RBPJ: variants seen among roughly 807,000 people sequenced by gnomAD.
RBPJ encodes the protein recombination signal binding protein for immunoglobulin kappa J region.
Under a neutral mutation model 67.8 loss-of-function variants are expected in RBPJ, and 9 were observed. That is an observed-to-expected ratio of 0.13 (90% CI 0.08 to 0.23). The LOEUF (loss-of-function observed/expected upper bound fraction) is 0.23, where lower values mean the gene tolerates loss of function less well. RBPJ is among the 10% of genes least tolerant of loss of function. The probability of loss-of-function intolerance (pLI) is 1.00; values close to 1 mark genes in which losing one functional copy is unlikely to be tolerated. For synonymous variants in RBPJ, 198 were observed against 203.3 expected, an observed-to-expected ratio of 0.97 and a Z score of 0.22; for missense variants, 305 against 595.6, an observed-to-expected ratio of 0.51 and a Z score of 5.08.
intron 1 of RBPJ, among the ~76,000 whole-genome samples, chr4:26,222,494 CAAA>C (rs35321984): frequency 3.4e-5 from 2 of 58,838 alleles, no homozygotes; most frequent in African/African-American, 5.4e-5. Flanking sequence ...AACTCAATCT[CAAA>C]AAAAAAAAAA....
the RBPJ span, among the ~76,000 whole-genome samples, chr4:26,115,946 TAAAAAA>T: frequency 6.7e-6 from 1 of 149,398 alleles, no homozygotes; most frequent in Non-Finnish European, 1.5e-5. Flanking sequence ...GGTGGTATGT[TAAAAAA>T]AAAAACTCTA....
intron 1 of RBPJ, among the ~76,000 whole-genome samples, chr4:26,325,935 A>G (rs1260792972): frequency 1.3e-5 from 2 of 152,204 alleles, no homozygotes; most frequent in African/African-American, 2.4e-5. Flanking sequence ...TAAATGCTGT[A>G]TATAATTCTC....
intron 5 of RBPJ, among the ~76,000 whole-genome samples, chr4:26,422,211 C>CTTTTTTT (rs34021965): frequency 6.8e-6 from 1 of 147,620 alleles, no homozygotes; most frequent in Non-Finnish European, 1.5e-5. Context: ...TGATTATCCC[C>CTTTTTTT]TTTTTTTTTT....
chr4:26,407,481 G>A (rs534711304), intron 3 of RBPJ, among the ~76,000 whole-genome samples: 4 of 152,202 alleles, frequency 2.6e-5, no homozygotes, highest in South Asian at 2.1e-4. Context: ...ATAAATTTCC[G>A]CATTTTTTAT....
At chr4:26,344,384 G>A (rs568801795) in intron 1 of RBPJ, among the ~76,000 whole-genome samples, 159 of 152,012 alleles carry the variant, frequency 1.0e-3, no homozygotes, top group Admixed American at 2.4e-3. Context: ...ACAGGCGCCT[G>A]CCATCACGCC....
chr4:26,218,545 C>T (rs1718793826), intron 1 of RBPJ, among the ~76,000 whole-genome samples: 1 of 152,186 alleles, frequency 6.6e-6, no homozygotes, highest in Non-Finnish European at 1.5e-5. Flanking sequence ...TGCCATTCTA[C>T]TGGTTCCTAG....
At chr4:26,134,827 G>A in the RBPJ span, among the ~76,000 whole-genome samples, 1 of 152,196 alleles carries the variant, frequency 6.6e-6, no homozygotes, top group South Asian at 2.1e-4. Context: ...GGCTGCAGGT[G>A]CATGAACTGA....
intron 1 of RBPJ, among the ~76,000 whole-genome samples, chr4:26,383,115 C>T (rs766328707): frequency 6.6e-6 from 1 of 152,128 alleles, no homozygotes; most frequent in Non-Finnish European, 1.5e-5. Context: ...GTGTAAAATA[C>T]TGTCCAGACT....
At chr4:26,113,603 T>C in the RBPJ span, 1 of 391,822 alleles carries the variant, frequency 2.6e-6, no homozygotes, top group Non-Finnish European at 5.1e-6. Flanking sequence ...GAAATCCTTC[T>C]GCCCCAGGTC....
upstream of RBPJ, among the ~76,000 whole-genome samples, chr4:26,316,204 C>A (rs1722603320): frequency 6.6e-6 from 1 of 150,958 alleles, no homozygotes; most frequent in Admixed American, 6.6e-5. Flanking sequence ...TCTGCAGTGG[C>A]TCCAACCAGT....
In RBPJ at chr4:26,432,624, C is replaced by G. The variant is rs77598726; in HGVS notation, c.*1617C>G. 6.6e-6 allele frequency: 1 copy of G among 152,120 alleles called. No individual in the cohort carries two copies. The highest frequency in any genetic ancestry group is 1.5e-5 in the Non-Finnish European group (1 of 68,026). The allele number at this position is 152,120 out of a possible 1,614,324, so 9.4% of individuals were successfully genotyped here. On this transcript the variant is annotated 3_prime_UTR_variant, in exon 11 of 11. Coordinates refer to ENST00000355476, the MANE Select transcript of RBPJ (RefSeq NM_015874.6). ...TCGAAATTGCAGCAGACTCATTGGG[C>G]TACATTTAGTACAGGAACCACGTGT...
At chr4:26,392,096 A>G (rs574854038) in intron 2 of RBPJ, among the ~76,000 whole-genome samples, 1 of 152,276 alleles carries the variant, frequency 6.6e-6, no homozygotes, top group Admixed American at 6.5e-5. Flanking sequence ...TCAACATAGG[A>G]ATTTTGGGGG....
intron 1 of RBPJ, among the ~76,000 whole-genome samples, chr4:26,165,653 G>A (rs7658789): frequency 0.55 from 83,254 of 151,628 alleles, 23,027 homozygotes; most frequent in South Asian, 0.68. Context: ...CATCATTAAT[G>A]ATGAAGTAAA....
chr4:26,198,499 T>G (rs1717866358), intron 1 of RBPJ, among the ~76,000 whole-genome samples: 1 of 152,216 alleles, frequency 6.6e-6, no homozygotes, highest in African/African-American at 2.4e-5. Flanking sequence ...TTTTATACAT[T>G]AACTCAAGCA....
intron 1 of RBPJ, among the ~76,000 whole-genome samples, chr4:26,334,153 G>A (rs1269712823): frequency 2.0e-5 from 3 of 151,582 alleles, no homozygotes; most frequent in Non-Finnish European, 2.9e-5. Flanking sequence ...CAGTTCTTCT[G>A]CCTCAGCCTC....
the RBPJ span, among the ~76,000 whole-genome samples, chr4:26,154,085 C>A: frequency 6.6e-6 from 1 of 152,206 alleles, no homozygotes; most frequent in Non-Finnish European, 1.5e-5. Context: ...TCCCGCTCAG[C>A]TGCTGACCAG....
rs539705250 is a variant in RBPJ at position 26,193,239 on chromosome 4, T to C, written c.-167+29625T>C. Among the ~76,000 whole-genome samples the C allele has an allele frequency of 3.3e-5, 5 of 152,294 alleles. No homozygotes were observed. In the South Asian group the frequency reaches 1.0e-3, roughly 32 times the overall value. On this transcript the variant is annotated intron_variant, in intron 1 of 4. Coordinates refer to the RBPJ transcript ENST00000512351. ...AAGTTATCACAGTAGTAATAGGAAA[T>C]GAAAAGGCATGTATCAGTGGAGGGA...
At chr4:26,339,276 A>G (rs1341525409) in intron 1 of RBPJ, among the ~76,000 whole-genome samples, 1 of 152,172 alleles carries the variant, frequency 6.6e-6, no homozygotes, top group African/African-American at 2.4e-5. Context: ...TGTTTTACAG[A>G]AACTTAACCA....
Position 26,264,466 on chromosome 4 carries a change from A to T in RBPJ, c.-166-97980A>T, listed in dbSNP as rs1720645593. Among the ~76,000 whole-genome samples the T allele has an allele frequency of 2.0e-5, 3 of 152,072 alleles. No individual in the cohort carries two copies. The South Asian group carries it at 6.2e-4, about 31-fold the overall frequency. On this transcript the variant is annotated intron_variant, in intron 1 of 4. Coordinates refer to the RBPJ transcript ENST00000512351. This position sits in a 1 kb window ranked among gnomAD's most constrained non-coding sequence, Gnocchi z 4.1. The stretch of plus-strand genomic sequence containing the variant: ...GTGATCTTCGTAAACTGTCCATTTG[A>T]TCCTTCCATTTTCTTTAAAATGGAG...
Sources: gnomAD v4.1 joint callset for allele counts (sites outside exome capture counted in the v4.1 genomes callset) on GRCh38, gnomAD v4.1.1 for gene constraint, Gnocchi (gnomAD v3.1) non-coding constraint, MANE v1.5 for transcripts, NCBI Gene and HGNC (gene_info 2026-07-23, HGNC 2026-07-21) for gene names.